CNOT8: variants seen among roughly 807,000 people sequenced by gnomAD.
CNOT8 encodes CCR4-NOT transcription complex subunit 8, also known as CAF1-like protein.
CNOT8 carries 18 observed loss-of-function variants against 34.6 expected under a neutral mutation model. That is an observed-to-expected ratio of 0.52 (90% CI 0.36 to 0.77). The LOEUF (loss-of-function observed/expected upper bound fraction) is 0.77. Ranked by LOEUF, CNOT8 falls within the 30% of genes least tolerant of loss-of-function variation. The pLI, the probability that CNOT8 is intolerant of heterozygous loss-of-function variation, is 0.00. For missense variants in CNOT8, 189 were observed against 347.9 expected (o/e 0.54, Z 3.63); for synonymous variants, 101 against 118.8 (o/e 0.85, Z 0.98).
At chr5:154,873,887 G>A (rs1052204208) in intron 6 of CNOT8, among the ~76,000 whole-genome samples, 2 of 152,144 alleles carry the variant, frequency 1.3e-5, no homozygotes, top group African/African-American at 2.4e-5. Flanking sequence ...GGGGAGAGTG[G>A]TGTGCTACCT....
intron 1 of CNOT8, 56 bp from the exon 2 acceptor site, chr5:154,863,151 G>A (rs1055805095): frequency 7.3e-6 from 5 of 681,108 alleles, no homozygotes; most frequent in Non-Finnish European, 1.3e-5. Context: ...TCTTTGTTGT[G>A]TTGACATCTT....
intron 4 of CNOT8, among the ~76,000 whole-genome samples, chr5:154,871,306 C>T (rs1762460273): frequency 6.6e-6 from 1 of 152,052 alleles, no homozygotes; most frequent in Non-Finnish European, 1.5e-5. Context: ...CATCTATAAT[C>T]CCAGCACTTT....
chr5:154,870,054 G>A (rs550200656), intron 3 of CNOT8, among the ~76,000 whole-genome samples: 14 of 152,042 alleles, frequency 9.2e-5, no homozygotes, highest in Non-Finnish European at 1.3e-4. Context: ...CACCATGCCC[G>A]GCCTACTTAT....
chr5:154,871,581 A>AT, intron 4 of CNOT8, 149 bp from the exon 5 acceptor site: 2 of 573,228 alleles, frequency 3.5e-6, no homozygotes, highest in Non-Finnish European at 5.8e-6. Context: ...AAAAAAAAAA[A>AT]GATTCAGATT....
chr5:154,870,647 A>T lies in CNOT8; in HGVS notation c.312-14A>T. On this transcript the variant is annotated splice_polypyrimidine_tract_variant and intron_variant, in intron 3 of 6. Coordinates refer to ENST00000285896, the MANE Select transcript of CNOT8 (RefSeq NM_001301073.2). ...ATTATTCACCAGTTAATAAATAAAC[A>T]CCTTGTTTTTTAGAGAGGACATGTA... 6.2e-7 allele frequency: 1 copy of T among 1,605,908 alleles called. No homozygotes were observed. The highest frequency in any genetic ancestry group is 8.5e-7 in the Non-Finnish European group (1 of 1,175,564).
chr5:154,858,807 A>T (rs894316568), intron 1 of CNOT8, 39 bp downstream of exon 1: 1 of 150,274 alleles, frequency 6.7e-6, no homozygotes, highest in Non-Finnish European at 1.5e-5. Context: ...GGAGCGTAAG[A>T]TGAAAGAGTG....
At chr5:154,867,710 C>A in intron 3 of CNOT8, 1 of 282,266 alleles carries the variant, frequency 3.5e-6, no homozygotes, top group Non-Finnish European at 7.0e-6. Context: ...AAGAAAAAGT[C>A]AACAATAATA....
chr5:154,872,032 T>C (rs933612542), intron 5 of CNOT8, among the ~76,000 whole-genome samples, 158 bp downstream of exon 5: 1 of 152,178 alleles, frequency 6.6e-6, no homozygotes, highest in Non-Finnish European at 1.5e-5. Context: ...CAGATATTTG[T>C]GTGGTAACGA....
intron 3 of CNOT8, among the ~76,000 whole-genome samples, chr5:154,868,136 AC>A: frequency 6.6e-6 from 1 of 151,718 alleles, no homozygotes; most frequent in Admixed American, 6.6e-5. Flanking sequence ...ACGGGGTTTC[AC>A]CATGTTGGCC....
chr5:154,858,934 C>G (rs1024849361), intron 1 of CNOT8, 166 bp downstream of exon 1: 3 of 152,186 alleles, frequency 2.0e-5, no homozygotes, highest in Non-Finnish European at 2.9e-5. Flanking sequence ...GCCACCGTCA[C>G]ACGATAATAT....
At chr5:154,858,318 G>C (rs1561670739), upstream of CNOT8, 1 of 152,214 alleles carries the variant, frequency 6.6e-6, no homozygotes, top group Non-Finnish European at 1.5e-5. Flanking sequence ...ACGCGAAGAG[G>C]GCCGCAGGCG....
intron 3 of CNOT8, among the ~76,000 whole-genome samples, chr5:154,869,728 G>T (rs748092659): frequency 2.6e-5 from 4 of 150,974 alleles, no homozygotes; most frequent in Admixed American, 1.3e-4. Flanking sequence ...AGATTCAAGT[G>T]AGTCTGCTGC....
chr5:154,867,816 T>C (rs1762044765), intron 3 of CNOT8: 1 of 173,222 alleles, frequency 5.8e-6, no homozygotes, highest in African/African-American at 2.4e-5. Context: ...AAATTTTTAA[T>C]GTCTTTTTTA....
rs1195514872 is a variant in CNOT8, at chr5:154,876,075, A to G, written c.*636A>G. 1 of 152,366 alleles carries G rather than the reference A, an allele frequency of 6.6e-6. No homozygotes were observed. The highest frequency in any genetic ancestry group is 1.5e-5 in the Non-Finnish European group (1 of 68,172). 9.4% of individuals were successfully genotyped at this position (152,366 alleles called of 1,614,324 possible). ...ACTGAAAAGCAAACAATTTTACTGA[A>G]TCTGTCTACCCTTCATTCATGAGAA... is the stretch of plus-strand genomic sequence containing the variant. On this transcript the variant is annotated 3_prime_UTR_variant, in exon 7 of 7. Transcript: ENST00000285896.
intron 3 of CNOT8, among the ~76,000 whole-genome samples, chr5:154,867,538 T>C (rs1366180018): frequency 6.6e-6 from 1 of 152,222 alleles, no homozygotes; most frequent in Non-Finnish European, 1.5e-5. Flanking sequence ...TTAGCAGGAA[T>C]AGACTACTTT....
intron 6 of CNOT8, among the ~76,000 whole-genome samples, chr5:154,872,918 G>A (rs977392747): frequency 1.3e-5 from 2 of 152,094 alleles, no homozygotes; most frequent in African/African-American, 2.4e-5. Flanking sequence ...ATAGGTGCCC[G>A]CCACCATGCC....
At chr5:154,868,207 G>A (rs1762094880) in intron 3 of CNOT8, among the ~76,000 whole-genome samples, 1 of 151,554 alleles carries the variant, frequency 6.6e-6, no homozygotes, top group African/African-American at 2.4e-5. Flanking sequence ...AGAGTGCTGG[G>A]ATTACAGGCA....
intron 1 of CNOT8, among the ~76,000 whole-genome samples, chr5:154,862,774 C>G (rs1010496995): frequency 6.6e-6 from 1 of 152,180 alleles, no homozygotes; most frequent in Admixed American, 6.5e-5. Flanking sequence ...CACATTCTTT[C>G]AGGTTTTCAG....
intron 6 of CNOT8, among the ~76,000 whole-genome samples, chr5:154,874,343 G>A (rs756195363): frequency 1.4e-4 from 21 of 151,954 alleles, no homozygotes; most frequent in Non-Finnish European, 2.6e-4. Flanking sequence ...TTGGGAGGCC[G>A]AGGCAAGTGG....
Sources: allele counts gnomAD v4.1 joint callset (sites outside exome capture counted in the v4.1 genomes callset), GRCh38; gene constraint gnomAD v4.1.1; transcripts MANE v1.5; gene names NCBI Gene and HGNC (gene_info 2026-07-23, HGNC 2026-07-21).